Variants in DRD3 observed in about 807,000 individuals in gnomAD.
DRD3 encodes dopamine receptor D3, also known as D(3) dopamine receptor.
DRD3 carries 19 observed loss-of-function variants against 36.3 expected under a neutral mutation model. The ratio of observed to expected loss-of-function variants is 0.52; its 90% CI spans 0.36 to 0.77. The LOEUF (loss-of-function observed/expected upper bound fraction) is 0.77. Ranked by LOEUF, DRD3 falls within the 30% of genes least tolerant of loss-of-function variation. DRD3 has a pLI of 0.00. For synonymous variants in DRD3, 195 were observed against 203.7 expected, an observed-to-expected ratio of 0.96 and a Z score of 0.36; for missense variants, 465 against 505.3, an observed-to-expected ratio of 0.92 and a Z score of 0.77.
chr3:114,162,616 T>C (rs2077744549), intron 2 of DRD3, among the ~76,000 whole-genome samples: 1 of 152,238 alleles, frequency 6.6e-6, no homozygotes, highest in Non-Finnish European at 1.5e-5. Flanking sequence ...CGATTATAAT[T>C]CTATGACAGA....
chr3:114,133,270 T>C (rs986490399), intron 5 of DRD3, among the ~76,000 whole-genome samples: 2 of 152,212 alleles, frequency 1.3e-5, no homozygotes, highest in African/African-American at 4.8e-5. Flanking sequence ...ATTACAGGCG[T>C]GAGCCACCGT....
chr3:114,175,022 C>G lies in DRD3; in HGVS notation c.-35-2995G>C, dbSNP rs971798902. Among the ~76,000 whole-genome samples, 3 of 152,238 alleles carry G rather than the reference C, an allele frequency of 2.0e-5. No homozygotes were observed. The East Asian group carries it at 5.8e-4, about 29-fold the overall frequency. ...GAGATTATATACATGAAGTTTGGCA[C>G]TACTGACAATTTGGGCTGAATAATT... On this transcript the variant is annotated intron_variant, in intron 1 of 6. Transcript: ENST00000383673.
In DRD3 at chr3:114,159,483, AC is replaced by A. The variant is rs912651129; in HGVS notation, c.383+271del. ...CCTTCCTATTAGGAAGAAAAAAAAA[AC>A]CCCAAAGGATGGTGGAAAAGCAAAA... On this transcript the variant is annotated intron_variant, in intron 3 of 6. Coordinates refer to ENST00000383673, the MANE Select transcript of DRD3 (RefSeq NM_000796.6). Among the ~76,000 whole-genome samples the A allele has an allele frequency of 5.3e-5, 8 of 151,630 alleles. 1 individual carries two copies. Among genetic ancestry groups the A allele is most frequent in the African/African-American group, 1.9e-4 (8 of 41,206 alleles).
chr3:114,191,220 A>T (rs908076687), intron 1 of DRD3, among the ~76,000 whole-genome samples: 1 of 152,240 alleles, frequency 6.6e-6, no homozygotes, highest in African/African-American at 2.4e-5. Context: ...AAAGTCTCAG[A>T]TAATGGTGAA....
chr3:114,153,067 A>G (rs1162774788), intron 3 of DRD3, among the ~76,000 whole-genome samples: 1 of 152,192 alleles, frequency 6.6e-6, no homozygotes, highest in Non-Finnish European at 1.5e-5. Context: ...CAGCACTGGC[A>G]GTGTGCTTGG....
At chr3:114,194,642 G>T (rs911794974) in intron 1 of DRD3, among the ~76,000 whole-genome samples, 2 of 152,146 alleles carry the variant, frequency 1.3e-5, no homozygotes, top group South Asian at 4.1e-4. Context: ...TGAGCATGCC[G>T]ACTTTTCTGA....
intron 2 of DRD3, among the ~76,000 whole-genome samples, chr3:114,164,223 A>AAAAAAAAAAC (rs2077761324): frequency 8.3e-6 from 1 of 120,818 alleles, no homozygotes; most frequent in East Asian, 2.1e-4. Flanking sequence ...TCAGTCTCAA[A>AAAAAAAAAAC]AAAAAAAAAA....
chr3:114,131,384 G>C lies in DRD3; in HGVS notation c.740C>G (p.Pro247Arg). ...GFPQQTLSPD[P>R]AHLELKRYYS... ...GTAACGCTTCAGCTCCAGATGTGCCGGGTCAGGAGAGAGGGTCTGCAGGTG... is the reference window on the plus strand; with the variant it reads ...GTAACGCTTCAGCTCCAGATGTGCCCGGTCAGGAGAGAGGGTCTGCAGGTG... The change falls in exon 6 of 7, where the codon CCG becomes CGG. Residue 247 changes from proline (P) to arginine (R), a missense_variant. Physicochemically the swap from Pro to Arg is moderately radical, Grantham distance 103. Coordinates refer to ENST00000383673, the MANE Select transcript of DRD3 (RefSeq NM_000796.6). 6.2e-7 allele frequency: 1 copy of C among 1,613,468 alleles called. No homozygotes were observed. The highest frequency in any genetic ancestry group is 8.5e-7 in the Non-Finnish European group (1 of 1,179,470).
intron 3 of DRD3, among the ~76,000 whole-genome samples, chr3:114,154,808 C>T (rs930875723): frequency 4.6e-5 from 7 of 152,162 alleles, no homozygotes; most frequent in African/African-American, 1.7e-4. Flanking sequence ...ACCACTTGGT[C>T]GTGTCCTCCT....
chr3:114,160,032 A>G (rs2077718529), intron 2 of DRD3, among the ~76,000 whole-genome samples, 165 bp from the exon 3 acceptor site: 1 of 152,164 alleles, frequency 6.6e-6, no homozygotes, highest in African/African-American at 2.4e-5. Context: ...GTGCCAGGCT[A>G]TCCAAAACTG....
intron 1 of DRD3, among the ~76,000 whole-genome samples, chr3:114,188,510 C>T (rs2077988065): frequency 6.6e-6 from 1 of 152,184 alleles, no homozygotes; most frequent in African/African-American, 2.4e-5. Flanking sequence ...CCACACCCAG[C>T]CCCATTTCAA....
At chr3:114,158,348 G>A (rs1470754190) in intron 3 of DRD3, among the ~76,000 whole-genome samples, 3 of 152,172 alleles carry the variant, frequency 2.0e-5, no homozygotes, top group African/African-American at 7.2e-5. Flanking sequence ...TGTGTGGTAT[G>A]TGAGTTATAT....
intron 4 of DRD3, among the ~76,000 whole-genome samples, chr3:114,143,072 G>T (rs1223116238): frequency 6.6e-6 from 1 of 152,248 alleles, no homozygotes; most frequent in Non-Finnish European, 1.5e-5. Flanking sequence ...GGTAAGGAAA[G>T]CTGTAATGCC....
chr3:114,176,637 C>G (rs2077902048), intron 1 of DRD3, among the ~76,000 whole-genome samples: 1 of 151,888 alleles, frequency 6.6e-6, no homozygotes, highest in Non-Finnish European at 1.5e-5. Flanking sequence ...ACTGTCATTC[C>G]CGAGTTGAGA....
Position 114,192,114 on chromosome 3 carries a change from TAGA to T in DRD3, c.-156+7156_-156+7158del, listed in dbSNP as rs201854462. ...TGGGGAAGCTGTGGGTTAACTATTATAGAAGCAGACTATCCTCTGTGATTGGTT... is the reference window on the plus strand; with the variant it reads ...TGGGGAAGCTGTGGGTTAACTATTATAGCAGACTATCCTCTGTGATTGGTT... On this transcript the variant is annotated intron_variant, in intron 1 of 7. Transcript: ENST00000460779. Among the ~76,000 whole-genome samples, 171 of 152,328 alleles carry T rather than the reference TAGA, an allele frequency of 1.1e-3. 5 individuals carry two copies. The South Asian group carries it at 0.022, about 20-fold the overall frequency.
At chr3:114,164,250 A>AAAAAAAAAAAAAAAAAAAAAAT (rs2077761825) in intron 2 of DRD3, among the ~76,000 whole-genome samples, 1 of 148,984 alleles carries the variant, frequency 6.7e-6, no homozygotes, top group Non-Finnish European at 1.5e-5. Context: ...AAAAAAAAAA[A>AAAAAAAAAAAAAAAAAAAAAAT]AAGTGAAAAA....
At chr3:114,155,808 ACACAGTTCTCCCTCTT>A (rs1357586854) in intron 3 of DRD3, among the ~76,000 whole-genome samples, 1 of 152,054 alleles carries the variant, frequency 6.6e-6, no homozygotes, top group Admixed American at 6.6e-5. Context: ...GGCTCTCTTT[ACACAGTTCTCCCTCTT>A]CACAAAGCGA....
intron 4 of DRD3, among the ~76,000 whole-genome samples, chr3:114,144,114 C>G (rs984694240): frequency 6.6e-6 from 1 of 152,218 alleles, no homozygotes; most frequent in Admixed American, 6.5e-5. Context: ...GCCAGCCAGG[C>G]CCCTGCCTCG....
chr3:114,128,628 T>G lies in DRD3; in HGVS notation c.*88A>C. 7.6e-7 allele frequency: 1 copy of G among 1,317,732 alleles called. No homozygotes were observed. Among genetic ancestry groups the G allele is most frequent in the South Asian group, 1.9e-5 (1 of 53,514 alleles). 81.6% of individuals were successfully genotyped at this position (1,317,732 alleles called of 1,614,324 possible). A position where few individuals can be genotyped will look rare whatever the true frequency, so the allele number is the denominator to read the frequency against. ...CTCCAGGAATCTTCTTCCTACTGCA[T>G]GCCGGAGGACACTGCACAGTCTTTC... On this transcript the variant is annotated 3_prime_UTR_variant, in exon 7 of 7. Transcript: ENST00000383673.
Sources: gnomAD v4.1 joint callset for allele counts (sites outside exome capture counted in the v4.1 genomes callset) on GRCh38, gnomAD v4.1.1 for gene constraint, MANE v1.5 for transcripts, NCBI Gene and HGNC (gene_info 2026-07-23, HGNC 2026-07-21) for gene names.